Variants in KSR2 observed in about 807,000 individuals in gnomAD.
KSR2 encodes kinase suppressor of ras 2.
A neutral mutation model predicts 107.8 loss-of-function variants in KSR2; 25 were observed. The ratio of observed to expected loss-of-function variants is 0.23; its 90% CI spans 0.17 to 0.32. The LOEUF (loss-of-function observed/expected upper bound fraction) is 0.32, where lower values mean the gene tolerates loss of function less well. KSR2 is among the 10% of genes least tolerant of loss of function. The pLI is 1.00. For synonymous variants in KSR2, 480 were observed against 507.0 expected, an observed-to-expected ratio of 0.95 and a Z score of 0.71; for missense variants, 887 against 1,268.9, an observed-to-expected ratio of 0.70 and a Z score of 4.57.
chr12:117,869,438 C>T (rs931188148), intron 1 of KSR2, among the ~76,000 whole-genome samples: 2 of 152,166 alleles, frequency 1.3e-5, no homozygotes, highest in African/African-American at 2.4e-5. Context: ...ACCGCTCCCA[C>T]GAATGCAGAT....
intron 3 of KSR2, among the ~76,000 whole-genome samples, chr12:117,851,298 G>T (rs2137206857): frequency 6.6e-6 from 1 of 152,278 alleles, no homozygotes; most frequent in South Asian, 2.1e-4. Flanking sequence ...GTAATGAAAA[G>T]TGCTGCTTGA....
intron 7 of KSR2, among the ~76,000 whole-genome samples, chr12:117,574,193 G>GT (rs60267170): frequency 0.1 from 14,508 of 140,122 alleles, 1,878 homozygotes; most frequent in African/African-American, 0.31. Flanking sequence ...CCAGAAAACT[G>GT]TTTTTTTTTT....
rs182347608 is a variant in KSR2 at position 117,465,455 on chromosome 12, G to A, written c.*1744C>T. 4 of 152,192 alleles carry A rather than the reference G, an allele frequency of 2.6e-5. No homozygotes were observed. The highest frequency in any genetic ancestry group is 4.4e-5 in the Non-Finnish European group (3 of 68,054). 9.4% of individuals were successfully genotyped at this position (152,192 alleles called of 1,614,324 possible). A position where few individuals can be genotyped will look rare whatever the true frequency, so the allele number is the denominator to read the frequency against. ...TCAGGAGGGCCCTTTGGGAAACACA[G>A]GGGTTTCCTGTAGCCAGGCTCCTGG... On this transcript the variant is annotated 3_prime_UTR_variant, in exon 20 of 20. Transcript: ENST00000339824.
At chr12:117,618,197 C>A (rs1881986170) in intron 5 of KSR2, among the ~76,000 whole-genome samples, 2 of 152,136 alleles carry the variant, frequency 1.3e-5, no homozygotes, top group Admixed American at 6.6e-5. Context: ...CTAATTCAAT[C>A]AAGGATTGAG....
At chr12:117,474,022 T>C (rs940619664) in intron 17 of KSR2, among the ~76,000 whole-genome samples, 2 of 152,192 alleles carry the variant, frequency 1.3e-5, no homozygotes, top group Non-Finnish European at 2.9e-5. Flanking sequence ...TTCTAAGTCA[T>C]TTCTGAGCAC....
intron 14 of KSR2, among the ~76,000 whole-genome samples, chr12:117,499,477 G>T (rs1873245594): frequency 6.6e-6 from 1 of 152,228 alleles, no homozygotes; most frequent in South Asian, 2.1e-4. Flanking sequence ...TTATTCTGTA[G>T]ACGGTTTGGA....
At chr12:117,889,777 T>C (rs753251981) in intron 1 of KSR2, 6 of 152,218 alleles carry the variant, frequency 3.9e-5, no homozygotes, top group Non-Finnish European at 7.3e-5. Flanking sequence ...TGGCAATGTC[T>C]ATAAATATTT....
intron 14 of KSR2, among the ~76,000 whole-genome samples, chr12:117,521,018 C>A (rs1452176007): frequency 6.6e-6 from 1 of 152,168 alleles, no homozygotes; most frequent in Non-Finnish European, 1.5e-5. Context: ...TGCTCTGGGG[C>A]AGGGCCAGGC....
chr12:117,734,749 C>CATGGATGGATGGATGGATGG (rs1240974255), intron 4 of KSR2, among the ~76,000 whole-genome samples: 7 of 149,172 alleles, frequency 4.7e-5, no homozygotes, highest in East Asian at 2.0e-4. Context: ...TGCATGCATG[C>CATGGATGGATGGATGGATGG]ATGCATGGAT....
At chr12:117,727,138 C>G (rs77135517) in intron 4 of KSR2, among the ~76,000 whole-genome samples, 8,196 of 151,646 alleles carry the variant, frequency 0.054, 319 homozygotes, top group Middle Eastern at 0.089. Context: ...CACTTTGAGA[C>G]ACCAAGGTGG....
At chr12:117,605,762 G>A (rs1051982790) in intron 5 of KSR2, among the ~76,000 whole-genome samples, 1 of 152,146 alleles carries the variant, frequency 6.6e-6, no homozygotes, top group African/African-American at 2.4e-5. Flanking sequence ...AGAAAATGTG[G>A]TATATATACA....
At chr12:117,963,223 T>C (rs1317507675) in intron 1 of KSR2, among the ~76,000 whole-genome samples, 2 of 151,768 alleles carry the variant, frequency 1.3e-5, no homozygotes, top group Non-Finnish European at 2.9e-5. Flanking sequence ...CCCATTCATG[T>C]ATGTACTGCC....
chr12:117,878,273 TTGCAGGGC>T lies in KSR2; in HGVS notation c.181-17850_181-17843del, dbSNP rs1893925516. ...ACACGCTTTCATCCAGGGCTGGCTT[TTGCAGGGC>T]AAAGCCAATCCGCCTAAATTCCCTC... On this transcript the variant is annotated intron_variant, in intron 1 of 19. Coordinates refer to ENST00000339824, the MANE Select transcript of KSR2 (RefSeq NM_173598.6). 9.9e-5 allele frequency among the ~76,000 whole-genome samples: 15 copies of T among 152,018 alleles called. No individual in the cohort carries two copies. The South Asian group carries it at 3.1e-3, about 32-fold the overall frequency.
At chr12:117,895,756 C>T (rs1894490706) in intron 1 of KSR2, among the ~76,000 whole-genome samples, 1 of 152,104 alleles carries the variant, frequency 6.6e-6, no homozygotes, top group African/African-American at 2.4e-5. Context: ...CCAAAAATAT[C>T]ATATAAAAAG....
At chr12:117,559,327 G>A (rs773213509) in intron 7 of KSR2, among the ~76,000 whole-genome samples, 6 of 152,132 alleles carry the variant, frequency 3.9e-5, no homozygotes, top group African/African-American at 4.8e-5. Context: ...CGGACTTCAC[G>A]TTTTAAAAAA....
chr12:117,954,966 G>A (rs1036310847), intron 1 of KSR2, among the ~76,000 whole-genome samples: 1 of 150,408 alleles, frequency 6.6e-6, no homozygotes, highest in East Asian at 2.0e-4. Flanking sequence ...GCAGTGAGCT[G>A]AGATCGCGCC....
At chr12:117,934,897 C>T (rs1895794238) in intron 1 of KSR2, among the ~76,000 whole-genome samples, 1 of 152,124 alleles carries the variant, frequency 6.6e-6, no homozygotes, top group South Asian at 2.1e-4. Flanking sequence ...ACGAGCATGG[C>T]TCACTGCAGC....
At chr12:117,594,155 AG>A (rs1214859951) in intron 5 of KSR2, among the ~76,000 whole-genome samples, 1 of 152,204 alleles carries the variant, frequency 6.6e-6, no homozygotes, top group Non-Finnish European at 1.5e-5. Context: ...GCCACTCTCT[AG>A]TTAATGTTCA....
At chr12:117,715,417 G>A (rs1449634122) in intron 4 of KSR2, among the ~76,000 whole-genome samples, 2 of 152,196 alleles carry the variant, frequency 1.3e-5, no homozygotes, top group Non-Finnish European at 2.9e-5. Flanking sequence ...AACAAGAAAG[G>A]TGCCCAAGCA....
Sources: allele counts gnomAD v4.1 joint callset (sites outside exome capture counted in the v4.1 genomes callset), GRCh38; gene constraint gnomAD v4.1.1; transcripts MANE v1.5; gene names NCBI Gene and HGNC (gene_info 2026-07-23, HGNC 2026-07-21).